Variants in FABP6 observed in about 807,000 individuals in gnomAD.
FABP6 encodes gastrotropin.
In FABP6, 13 loss-of-function variants were observed where a neutral mutation model predicts 14.9. The ratio of observed to expected loss-of-function variants is 0.87; its 90% CI spans 0.57 to 1.39. FABP6 has a LOEUF of 1.39. Ranked by LOEUF, FABP6 falls within the 40% of genes most tolerant of loss-of-function variation. The probability of loss-of-function intolerance (pLI) is 0.00; values close to 1 mark genes in which losing one functional copy is unlikely to be tolerated. For missense variants in FABP6, 161 were observed against 167.2 expected, an observed-to-expected ratio of 0.96 and a Z score of 0.20; for synonymous variants, 75 against 63.6, an observed-to-expected ratio of 1.18 and a Z score of -0.85.
intron 2 of FABP6, among the ~76,000 whole-genome samples, chr5:160,232,935 C>T (rs1251647292): frequency 6.6e-6 from 1 of 150,598 alleles, no homozygotes; most frequent in Non-Finnish European, 1.5e-5. Context: ...AAAACCTTGC[C>T]TTAGTTACAC....
At chr5:160,204,007 A>G (rs546743826) in intron 2 of FABP6, among the ~76,000 whole-genome samples, 35 of 152,004 alleles carry the variant, frequency 2.3e-4, no homozygotes, top group Non-Finnish European at 4.0e-4. Flanking sequence ...AGCCTCAGAC[A>G]CTATATTTCA....
chr5:160,218,461 C>CTTTTTTTT (rs10692189), intron 3 of FABP6, among the ~76,000 whole-genome samples: 2 of 116,410 alleles, frequency 1.7e-5, no homozygotes, highest in Admixed American at 1.0e-4. Context: ...TAGTCTTTGA[C>CTTTTTTTT]TTTTTTTTTT....
chr5:160,235,367 A>C (rs1760486080), intron 3 of FABP6, among the ~76,000 whole-genome samples: 2 of 152,228 alleles, frequency 1.3e-5, no homozygotes, highest in African/African-American at 4.8e-5. Context: ...TATCAAGAGA[A>C]GTTGGAAATT....
In FABP6 at chr5:160,193,436, C is replaced by T. The variant is rs536473202; in HGVS notation, c.-58-5613C>T. On this transcript the variant is annotated intron_variant, in intron 1 of 6. Transcript: ENST00000393980. Reference sequence around the variant, plus strand: ...GGCTTCCACAGTGTGGAAGGGGACCCGAGCGGGTTGCGACTGCTGGCTCAG... The same window carrying T: ...GGCTTCCACAGTGTGGAAGGGGACCTGAGCGGGTTGCGACTGCTGGCTCAG... Among the ~76,000 whole-genome samples the T allele has an allele frequency of 5.9e-5, 9 of 152,144 alleles. No homozygotes were observed. The East Asian group carries it at 1.2e-3, about 20-fold the overall frequency.
At chr5:160,194,249 C>A (rs9313838) in intron 1 of FABP6, among the ~76,000 whole-genome samples, 34,279 of 152,196 alleles carry the variant, frequency 0.23, 3,901 homozygotes, top group South Asian at 0.25. Context: ...AAGCGCCGCA[C>A]GCATCCGCAC....
At position 160,189,742 on chromosome 5, in the gene FABP6, T is replaced by C. The variant is rs149728627; in HGVS notation, c.-59+2288T>C. Reference sequence around the variant, plus strand: ...AAAACATTAAAAAAATTTTAAGATATACTACTGACATACCTCAGAGCATAG... The same window carrying C: ...AAAACATTAAAAAAATTTTAAGATACACTACTGACATACCTCAGAGCATAG... On this transcript the variant is annotated intron_variant, in intron 1 of 6. Coordinates refer to the FABP6 transcript ENST00000393980. Among the ~76,000 whole-genome samples, 39 of 152,260 alleles carry C rather than the reference T, an allele frequency of 2.6e-4. No individual in the cohort carries two copies. The East Asian group carries it at 7.4e-3, about 29-fold the overall frequency.
At chr5:160,195,892 T>G (rs1282186561) in intron 1 of FABP6, 1 of 152,312 alleles carries the variant, frequency 6.6e-6, no homozygotes, top group East Asian at 1.9e-4. Flanking sequence ...TGCTGCATCT[T>G]CACTTCAGGG....
chr5:160,232,344 C>G, intron 2 of FABP6, 71 bp downstream of exon 2: 1 of 1,444,796 alleles, frequency 6.9e-7, no homozygotes, highest in Admixed American at 2.4e-5. Context: ...AACATGGCCT[C>G]CCCGCTCCCG....
At chr5:160,207,763 C>G (rs1759800013) in intron 2 of FABP6, among the ~76,000 whole-genome samples, 1 of 150,984 alleles carries the variant, frequency 6.6e-6, no homozygotes, top group Admixed American at 6.6e-5. Flanking sequence ...CGCTTTTGTC[C>G]CCCAGGCTGG....
intron 2 of FABP6, chr5:160,204,824 T>C (rs1409976021): frequency 6.6e-6 from 1 of 152,176 alleles, no homozygotes; most frequent in East Asian, 1.9e-4. Flanking sequence ...AACACACTGC[T>C]GTGGAGAGGG....
At chr5:160,210,161 A>G (rs931560847) in intron 2 of FABP6, among the ~76,000 whole-genome samples, 1 of 152,228 alleles carries the variant, frequency 6.6e-6, no homozygotes, top group Non-Finnish European at 1.5e-5. Flanking sequence ...CATATGCATG[A>G]AAAACACAGC....
chr5:160,199,955 C>T (rs1759601777), intron 2 of FABP6, among the ~76,000 whole-genome samples: 1 of 152,222 alleles, frequency 6.6e-6, no homozygotes, highest in Non-Finnish European at 1.5e-5. Flanking sequence ...GCCAGGGGCC[C>T]TCTGACTGTG....
intron 3 of FABP6, among the ~76,000 whole-genome samples, chr5:160,237,433 C>T (rs543283186): frequency 3.9e-5 from 6 of 152,168 alleles, no homozygotes; most frequent in African/African-American, 1.2e-4. Flanking sequence ...GACTAGGCCC[C>T]GAGAGGAGCT....
upstream of FABP6, among the ~76,000 whole-genome samples, chr5:160,225,705 T>C (rs988652972): frequency 6.6e-6 from 1 of 152,126 alleles, no homozygotes; most frequent in Non-Finnish European, 1.5e-5. Flanking sequence ...TGGCCCAACC[T>C]GACAGCTTTT....
At position 160,232,323 on chromosome 5, in the gene FABP6, TCTC is replaced by T. The variant is rs767160230; in HGVS notation, c.243+53_243+55del. The T allele has an allele frequency of 1.5e-5, 22 of 1,511,006 alleles. No individual in the cohort carries two copies. The African/African-American group carries it at 1.9e-4, about 13-fold the overall frequency. 93.6% of individuals were successfully genotyped at this position (1,511,006 alleles called of 1,614,324 possible). On this transcript the variant is annotated intron_variant, in intron 2 of 3. Coordinates refer to ENST00000402432, the MANE Select transcript of FABP6 (RefSeq NM_001445.3). ...TCCTTCCCCAGGCCTCCATCTGACT[TCTC>T]CTTCTCAAACATGGCCTCCCCGCTC...
chr5:160,200,818 T>C (rs1561742453), intron 2 of FABP6, among the ~76,000 whole-genome samples: 1 of 150,138 alleles, frequency 6.7e-6, no homozygotes, highest in South Asian at 2.1e-4. Flanking sequence ...CCTCCTGGCC[T>C]GGCCACACCT....
intron 2 of FABP6, among the ~76,000 whole-genome samples, chr5:160,208,270 G>A (rs1759810931): frequency 2.0e-5 from 3 of 151,768 alleles, no homozygotes; most frequent in South Asian, 2.1e-4. Flanking sequence ...TAACTAGATC[G>A]TTTGTCTAAA....
intron 2 of FABP6, among the ~76,000 whole-genome samples, chr5:160,199,615 T>TCTTGCCATTCCTGTCTCCCTCTCTCC (rs2113072781): frequency 6.6e-6 from 1 of 152,258 alleles, no homozygotes; most frequent in Non-Finnish European, 1.5e-5. Context: ...TTCCTCTCTG[T>TCTTGCCATTCCTGTCTCCCTCTCTCC]CTTGCCATTC....
rs1351371962 is a variant in FABP6 at position 160,199,024 on chromosome 5, G to GT, written c.-58-24dup. The GT allele has an allele frequency of 2.1e-6, 3 of 1,432,696 alleles. No individual in the cohort carries two copies. In the African/African-American group the frequency reaches 4.2e-5, roughly 20 times the overall value. 88.7% of individuals were successfully genotyped at this position (1,432,696 alleles called of 1,614,324 possible). On this transcript the variant is annotated intron_variant, in intron 1 of 6. Transcript: ENST00000393980. ...GATGGTCTCCAGAGCCCCTCCCAGC[G>GT]TGCTGGCTTTTTGTGTCATTGCAGA...
Sources: allele counts gnomAD v4.1 joint callset (sites outside exome capture counted in the v4.1 genomes callset), GRCh38; gene constraint gnomAD v4.1.1; transcripts MANE v1.5; gene names NCBI Gene and HGNC (gene_info 2026-07-23, HGNC 2026-07-21).